The following TENM2 variants were observed in gnomAD, a reference collection of about 807,000 sequenced individuals.
The protein encoded by TENM2 is teneurin transmembrane protein 2.
A neutral mutation model predicts 245.2 loss-of-function variants in TENM2; 52 were observed. The observed-to-expected ratio is 0.21, with a 90% CI of 0.17 to 0.27. The LOEUF (loss-of-function observed/expected upper bound fraction) is 0.27, where lower values mean the gene tolerates loss of function less well. TENM2 is among the 10% of genes least tolerant of loss of function. The pLI is 1.00. For missense variants in TENM2, 3,046 were observed against 3,666.8 expected (o/e 0.83, Z 4.37); for synonymous variants, 1,363 against 1,438.9 (o/e 0.95, Z 1.19).
At chr5:166,999,716 A>G in the TENM2 span, among the ~76,000 whole-genome samples, 4 of 152,274 alleles carry the variant, frequency 2.6e-5, no homozygotes, top group South Asian at 8.3e-4. Context: ...AGAACAAAAC[A>G]AGTTTTCGAG....
intron 12 of TENM2, among the ~76,000 whole-genome samples, chr5:168,127,468 A>G (rs1163140770): frequency 2.0e-5 from 3 of 152,130 alleles, no homozygotes; most frequent in East Asian, 1.9e-4. Flanking sequence ...CCGTCATTAC[A>G]TGTCTCCTCC....
At chr5:167,376,371 T>C (rs1179825827) in intron 2 of TENM2, among the ~76,000 whole-genome samples, 1 of 152,192 alleles carries the variant, frequency 6.6e-6, no homozygotes, top group Non-Finnish European at 1.5e-5. Context: ...ACCATTAAAA[T>C]GTTTACAAAT....
chr5:167,231,122 C>G, the TENM2 span, among the ~76,000 whole-genome samples: 1 of 152,182 alleles, frequency 6.6e-6, no homozygotes, highest in Non-Finnish European at 1.5e-5. Flanking sequence ...TCCACTAAAC[C>G]TCGTTTCTTA....
chr5:167,931,800 G>A lies in TENM2; in HGVS notation c.713-20788G>A, dbSNP rs534370295. On this transcript the variant is annotated intron_variant, in intron 3 of 28. Transcript: ENST00000518659. ...TGATGGGATTTGGAAGGAAGATCTT[G>A]AGCCCTTATGCCTTTTCCCTTATCG... 3.3e-5 allele frequency among the ~76,000 whole-genome samples: 5 copies of A among 152,304 alleles called. 1 individual carries two copies. The highest frequency in any genetic ancestry group is 1.2e-4 in the African/African-American group (5 of 41,560).
chr5:167,000,927 AT>A, the TENM2 span, among the ~76,000 whole-genome samples: 5 of 151,968 alleles, frequency 3.3e-5, no homozygotes, highest in South Asian at 8.3e-4. Context: ...ATTTGGTATG[AT>A]TTTCTAAAAA....
chr5:167,280,796 A>G (rs543605088), upstream of TENM2, among the ~76,000 whole-genome samples: 496 of 149,578 alleles, frequency 3.3e-3, 2 homozygotes, highest in Non-Finnish European at 5.3e-3. Flanking sequence ...CTATCTATCT[A>G]TCTATCTATC....
intron 12 of TENM2, among the ~76,000 whole-genome samples, chr5:168,131,860 C>T (rs1483446082): frequency 6.6e-6 from 1 of 152,166 alleles, no homozygotes; most frequent in Non-Finnish European, 1.5e-5. Context: ...TCAGCTAATT[C>T]TCTGATTGGT....
intron 2 of TENM2, among the ~76,000 whole-genome samples, chr5:167,839,938 C>A (rs1312050508): frequency 6.6e-6 from 1 of 152,232 alleles, no homozygotes; most frequent in Non-Finnish European, 1.5e-5. Flanking sequence ...CTGCTTCAGC[C>A]TCCCAAGTAG....
At chr5:168,184,993 T>G (rs1395721948) in intron 13 of TENM2, 1 of 152,240 alleles carries the variant, frequency 6.6e-6, no homozygotes, top group Non-Finnish European at 1.5e-5. Context: ...CAGCCTACAA[T>G]GCCAGGAATA....
intron 2 of TENM2, among the ~76,000 whole-genome samples, chr5:167,530,492 T>C (rs1771417076): frequency 6.6e-6 from 1 of 152,184 alleles, no homozygotes; most frequent in Admixed American, 6.5e-5. Flanking sequence ...TTTTAGACCC[T>C]TATATTTTTG....
chr5:168,013,115 C>T (rs1785376599), intron 5 of TENM2, among the ~76,000 whole-genome samples: 1 of 152,174 alleles, frequency 6.6e-6, no homozygotes. Flanking sequence ...CACACACTTA[C>T]ACACACATAC....
the TENM2 span, among the ~76,000 whole-genome samples, chr5:167,075,996 C>A: frequency 6.6e-6 from 1 of 152,296 alleles, no homozygotes; most frequent in African/African-American, 2.4e-5. Context: ...GTTCCCAGAC[C>A]AGCCCTGGCT....
intron 2 of TENM2, chr5:167,820,949 A>G (rs1485008840): frequency 6.6e-6 from 1 of 152,246 alleles, no homozygotes; most frequent in Admixed American, 6.5e-5. Context: ...CTGCCAAGCC[A>G]AATATCCAAC....
At chr5:168,219,506 T>C (rs1321922156) in intron 23 of TENM2, among the ~76,000 whole-genome samples, 1 of 152,186 alleles carries the variant, frequency 6.6e-6, no homozygotes, top group Non-Finnish European at 1.5e-5. Flanking sequence ...GCTGGTCATA[T>C]TTCCCCTAAC....
At chr5:167,010,480 T>C in the TENM2 span, among the ~76,000 whole-genome samples, 11 of 152,328 alleles carry the variant, frequency 7.2e-5, no homozygotes, top group East Asian at 2.1e-3. Flanking sequence ...AAACAGCCTC[T>C]TGGGTATGTG....
At chr5:167,337,123 C>CAAAAAAAAAAAA (rs71591174) in intron 1 of TENM2, among the ~76,000 whole-genome samples, 4 of 56,668 alleles carry the variant, frequency 7.1e-5, no homozygotes, top group African/African-American at 2.7e-4. Context: ...GACTCCGTCT[C>CAAAAAAAAAAAA]AAAAAAAAAA....
At chr5:168,235,556 C>T (rs567139270) in intron 25 of TENM2, among the ~76,000 whole-genome samples, 2 of 152,282 alleles carry the variant, frequency 1.3e-5, no homozygotes, top group Admixed American at 1.3e-4. Flanking sequence ...CCTGTAATCC[C>T]AGCACTTTGG....
intron 1 of TENM2, among the ~76,000 whole-genome samples, chr5:167,365,206 A>G (rs1010241565): frequency 1.1e-4 from 16 of 152,074 alleles, no homozygotes; most frequent in African/African-American, 3.9e-4. Flanking sequence ...GGGTCAAAGA[A>G]GTAGATGAGA....
intron 4 of TENM2, among the ~76,000 whole-genome samples, chr5:167,966,034 C>A (rs1354340197): frequency 6.6e-6 from 1 of 152,116 alleles, no homozygotes; most frequent in African/African-American, 2.4e-5. Flanking sequence ...GGGATGAACT[C>A]CAGCCTGTTA....
Sources: gnomAD v4.1 joint callset for allele counts (sites outside exome capture counted in the v4.1 genomes callset) on GRCh38, gnomAD v4.1.1 for gene constraint, MANE v1.5 for transcripts, NCBI Gene and HGNC (gene_info 2026-07-23, HGNC 2026-07-21) for gene names.